NR1I2: variants seen among roughly 807,000 people sequenced by gnomAD.
The protein encoded by NR1I2 is nuclear receptor subfamily 1 group I member 2.
NR1I2 carries 42 observed loss-of-function variants against 43.3 expected under a neutral mutation model. The ratio of observed to expected loss-of-function variants is 0.97; its 90% CI spans 0.76 to 1.26. The LOEUF (loss-of-function observed/expected upper bound fraction) is 1.26, where lower values mean the gene tolerates loss of function less well. Ranked by LOEUF, NR1I2 falls within the 50% of genes most tolerant of loss-of-function variation. The pLI is 0.00. For synonymous variants in NR1I2, 229 were observed against 215.0 expected, an observed-to-expected ratio of 1.06 and a Z score of -0.57; for missense variants, 559 against 566.7, an observed-to-expected ratio of 0.99 and a Z score of 0.14.
chr3:119,806,990 A>G (rs1194088405), intron 1 of NR1I2, among the ~76,000 whole-genome samples: 2 of 151,870 alleles, frequency 1.3e-5, no homozygotes, highest in Non-Finnish European at 1.5e-5. Flanking sequence ...TATCTTTCCC[A>G]TGCTCCTGTT....
In NR1I2 at chr3:119,810,133, C is replaced by A; in HGVS notation, c.270C>A (p.Thr90=). 1 of 1,613,394 alleles carries A rather than the reference C, an allele frequency of 6.2e-7. No individual in the cohort carries two copies. The highest frequency in any genetic ancestry group is 8.5e-7 in the Non-Finnish European group (1 of 1,179,872). ...GCGCCTGCGAGATCACCCGGAAGAC[C>A]CGGCGACAGTGCCAGGCCTGCCGCC... The change falls in exon 3 of 9, where the codon ACC becomes ACA. Residue 90 remains threonine, a synonymous_variant. Transcript: ENST00000393716.
At chr3:119,800,331 A>G (rs1467757649) in intron 1 of NR1I2, among the ~76,000 whole-genome samples, 1 of 152,214 alleles carries the variant, frequency 6.6e-6, no homozygotes, top group African/African-American at 2.4e-5. Flanking sequence ...TTGAATCTCA[A>G]TTATGACCCA....
intron 1 of NR1I2, chr3:119,792,492 G>A (rs899049557): frequency 3.7e-6 from 4 of 1,079,480 alleles, no homozygotes; most frequent in Non-Finnish European, 5.6e-6. Flanking sequence ...CAGCTCTCTC[G>A]CTCTTGGAAC....
chr3:119,811,531 C>T lies in NR1I2; in HGVS notation c.332-8C>T, dbSNP rs200783966. 390 of 1,609,632 alleles carry T rather than the reference C, an allele frequency of 2.4e-4. No individual in the cohort carries two copies. Among genetic ancestry groups the T allele is most frequent in the Non-Finnish European group, 4.2e-5 (50 of 1,177,782 alleles). On this transcript the variant is annotated splice_region_variant and splice_polypyrimidine_tract_variant and intron_variant, in intron 3 of 8. Coordinates refer to ENST00000393716, the MANE Select transcript of NR1I2 (RefSeq NM_003889.4). ...CGTGTGCCTGAGCCAGCCTCACTGT[C>T]CCTGCAGTGATCATGTCCGACGAGG...
intron 1 of NR1I2, among the ~76,000 whole-genome samples, chr3:119,793,009 T>G (rs1047642782): frequency 6.6e-6 from 1 of 152,114 alleles, no homozygotes; most frequent in African/African-American, 2.4e-5. Context: ...ATTCTCACTC[T>G]TAGTTCATAG....
chr3:119,813,802 A>G, intron 5 of NR1I2, among the ~76,000 whole-genome samples: 1 of 152,162 alleles, frequency 6.6e-6, no homozygotes, highest in East Asian at 1.9e-4. Context: ...AAGAATACTT[A>G]TAAATGTGGA....
intron 3 of NR1I2, 130 bp downstream of exon 3, chr3:119,810,324 G>A (rs1339809881): frequency 7.2e-7 from 1 of 1,382,026 alleles, no homozygotes; most frequent in Admixed American, 2.4e-5. Context: ...GCACATGTGA[G>A]CTGGTGTCCG....
intron 1 of NR1I2, chr3:119,782,827 G>C (rs2054793916): frequency 6.2e-7 from 1 of 1,614,042 alleles, no homozygotes; most frequent in Non-Finnish European, 8.5e-7. Context: ...CCTGCACAGT[G>C]CTGCGGCTGA....
chr3:119,817,098 C>T lies in NR1I2; in HGVS notation c.1191C>T (p.Leu397=), dbSNP rs746831883. 1.2e-6 allele frequency: 2 copies of T among 1,614,216 alleles called. No homozygotes were observed. The highest frequency in any genetic ancestry group is 1.7e-5 in the Admixed American group (1 of 60,030). The change falls in exon 9 of 9, where the codon CTC becomes CTT. Residue 397 remains leucine (L), a synonymous_variant. Transcript: ENST00000393716. ...TGTTCCTGAAGATCATGGCTATGCT[C>T]ACCGAGCTCCGCAGCATCAATGCTC...
intron 7 of NR1I2, 83 bp from the exon 8 acceptor site, chr3:119,815,643 G>A (rs1377417376): frequency 7.9e-7 from 1 of 1,270,384 alleles, no homozygotes; most frequent in Non-Finnish European, 1.1e-6. Flanking sequence ...CTGGAGGGTG[G>A]TTGGCGAGCA....
At chr3:119,796,142 A>AT (rs1021178574) in intron 1 of NR1I2, among the ~76,000 whole-genome samples, 7 of 151,824 alleles carry the variant, frequency 4.6e-5, no homozygotes, top group Admixed American at 3.3e-4. Flanking sequence ...CAACTTTGTG[A>AT]TTTTTTTCTA....
intron 1 of NR1I2, chr3:119,802,982 G>C (rs1302545914): frequency 2.2e-6 from 1 of 456,600 alleles, no homozygotes; most frequent in South Asian, 1.5e-5. Context: ...GGGGACTTTG[G>C]GGGGTGATTG....
rs1046005768 is a variant in NR1I2 at position 119,817,082 on chromosome 3, A to G, written c.1175A>G (p.Lys392Arg). The G allele has an allele frequency of 6.2e-6, 10 of 1,614,194 alleles. No homozygotes were observed. The highest frequency in any genetic ancestry group is 7.6e-6 in the Non-Finnish European group (9 of 1,180,028). The change falls in exon 9 of 9, where the codon AAG becomes AGG. Residue 392 changes from lysine (K) to arginine (R), a missense_variant. Physicochemically the swap from Lys to Arg is conservative, Grantham distance 26 (BLOSUM62 2). Transcript: ENST00000393716. ...CTGGCATGCAGGTTCTTGTTCCTGAAGATCATGGCTATGCTCACCGAGCTC... is the reference window on the plus strand; with the variant it reads ...CTGGCATGCAGGTTCTTGTTCCTGAGGATCATGGCTATGCTCACCGAGCTC...
At chr3:119,812,269 G>A (rs757541065) in intron 4 of NR1I2, among the ~76,000 whole-genome samples, 4 of 152,070 alleles carry the variant, frequency 2.6e-5, no homozygotes, top group Admixed American at 6.5e-5. Flanking sequence ...TATCTCAAGT[G>A]GCCCTTCACA....
At chr3:119,796,956 A>G (rs2055008532) in intron 1 of NR1I2, among the ~76,000 whole-genome samples, 3 of 152,238 alleles carry the variant, frequency 2.0e-5, no homozygotes, top group Admixed American at 2.0e-4. Context: ...GGCAAGGGCT[A>G]GGACATGGCC....
At chr3:119,810,648 T>G (rs1208263405) in intron 3 of NR1I2, 10 of 179,752 alleles carry the variant, frequency 5.6e-5, no homozygotes, top group Admixed American at 5.5e-4. Context: ...GGGAACTGTT[T>G]GCAGACAGGT....
At chr3:119,794,057 T>C (rs1221828493) in intron 1 of NR1I2, among the ~76,000 whole-genome samples, 1 of 152,024 alleles carries the variant, frequency 6.6e-6, no homozygotes, top group Non-Finnish European at 1.5e-5. Flanking sequence ...TCACCCAGGC[T>C]GGAATGCAGT....
chr3:119,797,303 C>T (rs1021652373), intron 1 of NR1I2, among the ~76,000 whole-genome samples: 4 of 151,890 alleles, frequency 2.6e-5, no homozygotes, highest in Middle Eastern at 3.4e-3. Flanking sequence ...TCAGCATTCA[C>T]AGAAAGGAAA....
intron 8 of NR1I2, 42 bp downstream of exon 8, chr3:119,815,873 G>A (rs1377816556): frequency 1.3e-6 from 2 of 1,507,326 alleles, no homozygotes; most frequent in Non-Finnish European, 1.8e-6. Context: ...GGTGATGTGA[G>A]GGAGCCGAGG....
Sources: gnomAD v4.1 joint callset for allele counts (sites outside exome capture counted in the v4.1 genomes callset) on GRCh38, gnomAD v4.1.1 for gene constraint, MANE v1.5 for transcripts, NCBI Gene and HGNC (gene_info 2026-07-23, HGNC 2026-07-21) for gene names.